Variants in VAV3 observed in about 807,000 individuals in gnomAD.
The protein encoded by VAV3 is vav guanine nucleotide exchange factor 3.
Under a neutral mutation model 131.2 loss-of-function variants are expected in VAV3, and 94 were observed. The ratio of observed to expected loss-of-function variants is 0.72; its 90% CI spans 0.61 to 0.85. The LOEUF (loss-of-function observed/expected upper bound fraction) is 0.85, where lower values mean the gene tolerates loss of function less well. Among genes scored for constraint, VAV3 ranks in the 40% least tolerant of loss-of-function variants. The pLI is 0.00. For synonymous variants in VAV3, 349 were observed against 342.0 expected (o/e 1.02, Z -0.22); for missense variants, 939 against 1,002.7 (o/e 0.94, Z 0.86).
chr1:107,683,497 C>T lies in VAV3; in HGVS notation c.1768G>A (p.Val590Met), dbSNP rs923179203. 3.7e-6 allele frequency: 6 copies of T among 1,613,870 alleles called. No individual in the cohort carries two copies. ...TTAATCAGAAACACACCTGGATCCA[C>T]CTGTTTAGGAGTTCTTCGCAGTCCA... The part of the protein sequence containing the change: ...TNGLRRTPKQ[V>M]DPGLPKMQVI... Residue 590 changes from valine to methionine, a missense_variant, in exon 19 of 27, where the codon GTG becomes ATG. By Grantham distance (21) the Val-to-Met change is conservative (BLOSUM62 1). Transcript: ENST00000370056.
chr1:107,941,834 T>G (rs1674010574), intron 1 of VAV3, among the ~76,000 whole-genome samples: 1 of 152,170 alleles, frequency 6.6e-6, no homozygotes, highest in Non-Finnish European at 1.5e-5. Flanking sequence ...ATCTCCCAGA[T>G]GACAGAGAAT....
At chr1:107,764,440 C>G (rs753838698) in intron 9 of VAV3, among the ~76,000 whole-genome samples, 1 of 152,190 alleles carries the variant, frequency 6.6e-6, no homozygotes, top group Non-Finnish European at 1.5e-5. Context: ...TATTTGTGTT[C>G]GTCTTCTCTT....
chr1:107,749,711 A>G, intron 13 of VAV3, 117 bp from the exon 14 acceptor site: 1 of 1,156,276 alleles, frequency 8.6e-7, no homozygotes, highest in Non-Finnish European at 1.2e-6. Flanking sequence ...AACAGGTAGT[A>G]TCATACACTG....
chr1:107,636,075 T>C (rs1437067277), intron 20 of VAV3, among the ~76,000 whole-genome samples: 1 of 152,242 alleles, frequency 6.6e-6, no homozygotes, highest in Non-Finnish European at 1.5e-5. Flanking sequence ...GGTGCTATTG[T>C]TGTCATCATT....
intron 1 of VAV3, among the ~76,000 whole-genome samples, chr1:107,954,888 C>T (rs1232592023): frequency 1.3e-5 from 2 of 152,098 alleles, no homozygotes; most frequent in Admixed American, 6.5e-5. Context: ...TACCACAAAC[C>T]ACTTGTTGGT....
chr1:107,959,121 C>T (rs1340386368), intron 1 of VAV3, among the ~76,000 whole-genome samples: 2 of 151,888 alleles, frequency 1.3e-5, no homozygotes, highest in East Asian at 3.9e-4. Flanking sequence ...ATTAGCCAGG[C>T]GTGGTAGCAC....
intron 2 of VAV3, among the ~76,000 whole-genome samples, chr1:107,782,163 T>C (rs1170252610): frequency 1.3e-5 from 2 of 152,162 alleles, no homozygotes; most frequent in Non-Finnish European, 2.9e-5. Flanking sequence ...AAAATAGCAA[T>C]AGCAGTACTA....
intron 2 of VAV3, among the ~76,000 whole-genome samples, chr1:107,858,455 A>G (rs79786588): frequency 0.016 from 2,418 of 152,298 alleles, 48 homozygotes; most frequent in African/African-American, 0.045. Flanking sequence ...TCTAGAACAG[A>G]GGTCCCCAAC....
chr1:107,912,320 T>C (rs935016512), intron 1 of VAV3, among the ~76,000 whole-genome samples: 6 of 152,280 alleles, frequency 3.9e-5, no homozygotes, highest in African/African-American at 1.2e-4. Context: ...TCCAATAAGC[T>C]CAGGTTTTAA....
At chr1:107,851,376 T>C (rs967027720) in intron 2 of VAV3, among the ~76,000 whole-genome samples, 1 of 148,790 alleles carries the variant, frequency 6.7e-6, no homozygotes, top group Admixed American at 6.7e-5. Flanking sequence ...CCCAGCATAC[T>C]TGAACTAGAA....
chr1:107,912,819 T>C (rs888661344), intron 1 of VAV3, among the ~76,000 whole-genome samples: 1 of 152,174 alleles, frequency 6.6e-6, no homozygotes, highest in African/African-American at 2.4e-5. Flanking sequence ...GCAGATTCCT[T>C]TATGAAAAAG....
intron 15 of VAV3, among the ~76,000 whole-genome samples, chr1:107,719,302 T>C (rs1016103720): frequency 2.0e-4 from 31 of 152,316 alleles, no homozygotes; most frequent in African/African-American, 7.2e-4. Context: ...GTTTGCAATC[T>C]ACCCATCTGA....
chr1:107,660,693 T>G (rs1656948747), intron 19 of VAV3, among the ~76,000 whole-genome samples: 1 of 152,346 alleles, frequency 6.6e-6, no homozygotes, highest in South Asian at 2.1e-4. Context: ...TCACTATGCA[T>G]ATTAATTTTT....
chr1:107,672,435 C>T (rs1441670074), intron 19 of VAV3, among the ~76,000 whole-genome samples: 1 of 151,354 alleles, frequency 6.6e-6, no homozygotes, highest in Non-Finnish European at 1.5e-5. Flanking sequence ...AGTTAAATGG[C>T]CAAATGCTAC....
rs1664366061 is a variant in VAV3, at chr1:107,760,790, GAGA to G, written c.1008_1010del (p.Leu338del). On this transcript the variant is annotated inframe_deletion, in exon 10 of 27. Transcript: ENST00000370056. ...ACTGTTTTAAGTTACATACCTGGAG[GAGA>G]AGGTGGTACTTTAAAACACGTTGCA... 3 of 1,610,386 alleles carry G rather than the reference GAGA, an allele frequency of 1.9e-6. No individual in the cohort carries two copies. Among genetic ancestry groups the G allele is most frequent in the Non-Finnish European group, 1.7e-6 (2 of 1,177,164 alleles).
intron 20 of VAV3, among the ~76,000 whole-genome samples, chr1:107,622,695 G>A (rs1373004356): frequency 1.3e-5 from 2 of 152,192 alleles, no homozygotes; most frequent in Admixed American, 6.5e-5. Context: ...ATGTATGCAC[G>A]ATGGTGCTGT....
intron 1 of VAV3, among the ~76,000 whole-genome samples, chr1:107,925,486 T>G (rs2101175398): frequency 6.6e-6 from 1 of 152,344 alleles, no homozygotes; most frequent in South Asian, 2.1e-4. Flanking sequence ...CAATGGACTA[T>G]TATTCAACCT....
At chr1:107,950,897 G>C (rs1253905437) in intron 1 of VAV3, among the ~76,000 whole-genome samples, 1 of 152,062 alleles carries the variant, frequency 6.6e-6, no homozygotes, top group Non-Finnish European at 1.5e-5. Context: ...AGAGGAGAGA[G>C]AGCAAGCCTC....
At chr1:107,669,996 T>C (rs1385950175) in intron 19 of VAV3, among the ~76,000 whole-genome samples, 2 of 152,238 alleles carry the variant, frequency 1.3e-5, no homozygotes, top group African/African-American at 2.4e-5. Flanking sequence ...TGATTTTGTA[T>C]GCCATGGCTA....
Sources: gnomAD v4.1 joint callset for allele counts (sites outside exome capture counted in the v4.1 genomes callset) on GRCh38, gnomAD v4.1.1 for gene constraint, MANE v1.5 for transcripts, NCBI Gene and HGNC (gene_info 2026-07-23, HGNC 2026-07-21) for gene names.